ARSI: variants seen among roughly 807,000 people sequenced by gnomAD.
ARSI encodes arylsulfatase I.
ARSI carries 37 observed loss-of-function variants against 42.1 expected under a neutral mutation model. The ratio of observed to expected loss-of-function variants is 0.88; its 90% confidence interval spans 0.68 to 1.16. The LOEUF (loss-of-function observed/expected upper bound fraction) is 1.16. ARSI is among the 50% of genes most tolerant of loss of function. The pLI is 0.00. For missense variants in ARSI, 725 were observed against 790.1 expected (o/e 0.92, Z 0.99); for synonymous variants, 305 against 320.3 (o/e 0.95, Z 0.51).
Position 150,298,013 on chromosome 5 carries a change from G to T in ARSI, c.911C>A (p.Ser304Ter). ...FSSDNGGQTF[S>*]GGSNWPLRGR... ...TCGGAGCGGCCAGTTGCTGCCCCCC[G>T]AGAAAGTCTGGCCACCATTGTCACT... The change falls in exon 2 of 2, where the codon TCG becomes TAG. Residue 304 changes from serine to a stop codon, truncating the protein, a stop_gained. Transcript: ENST00000328668. LOFTEE classifies it high-confidence loss of function. 1.2e-6 allele frequency: 2 copies of T among 1,612,526 alleles called. No homozygotes were observed.
Position 150,302,542 on chromosome 5 carries a change from G to T in ARSI, c.-169C>A. Reference sequence around the variant, plus strand: ...GACTGGCTGCCGGACGGCTGGGCCGGATCTGCTCGGCCGCAGCGGGGCGCT... The same window carrying T: ...GACTGGCTGCCGGACGGCTGGGCCGTATCTGCTCGGCCGCAGCGGGGCGCT... On this transcript the variant is annotated 5_prime_UTR_variant, in exon 1 of 2. Coordinates refer to ENST00000328668, the MANE Select transcript of ARSI (RefSeq NM_001012301.4). This position sits in a 1 kb window ranked among gnomAD's most constrained non-coding sequence, Gnocchi z 6.1. 1 of 485,034 alleles carries T rather than the reference G, an allele frequency of 2.1e-6. No homozygotes were observed. The highest frequency in any genetic ancestry group is 3.3e-6 in the Non-Finnish European group (1 of 302,116). The allele number at this position is 485,034 out of a possible 1,614,324, so 30.0% of individuals were successfully genotyped here. A position where few individuals can be genotyped will look rare whatever the true frequency, so the allele number is the denominator to read the frequency against.
Position 150,297,060 on chromosome 5 carries a change from C to G in ARSI, c.*154G>C. 1.3e-6 allele frequency: 1 copy of G among 768,616 alleles called. No individual in the cohort carries two copies. The allele number at this position is 768,616 out of a possible 1,614,324, so 47.6% of individuals were successfully genotyped here. On this transcript the variant is annotated 3_prime_UTR_variant, in exon 2 of 2. Coordinates refer to ENST00000328668, the MANE Select transcript of ARSI (RefSeq NM_001012301.4). This position sits in a 1 kb window ranked among gnomAD's most constrained non-coding sequence, Gnocchi z 7.0. ...TCCCAGTCTGGTTTATTCCCACCCA[C>G]TCCTATCCAGGCTCCCTACCCTGTT... is the stretch of plus-strand genomic sequence containing the variant.
At chr5:150,301,352 T>C (rs1294588795) in intron 1 of ARSI, among the ~76,000 whole-genome samples, 2 of 152,202 alleles carry the variant, frequency 1.3e-5, no homozygotes, top group African/African-American at 4.8e-5. Flanking sequence ...AATCCTGTAA[T>C]CCTGCTGCCT....
rs1050927481 is a variant in ARSI at position 150,302,194 on chromosome 5, G to T, written c.180C>A (p.His60Gln). ...IFILTDDQGY[H>Q]DVGYHGSDIE... ...TATCTGAACCATGGTAGCCCACGTC[G>T]TGGTAGCCTTGGTCGTCCGTGAGGA... is the stretch of plus-strand genomic sequence containing the variant. The change falls in exon 1 of 2, where the codon CAC (histidine) becomes CAA (glutamine). Residue 60 changes from histidine to glutamine, a missense_variant. Transcript: ENST00000328668. This position sits in a 1 kb window ranked among gnomAD's most constrained non-coding sequence, Gnocchi z 6.1. 3 of 1,614,006 alleles carry T rather than the reference G, an allele frequency of 1.9e-6. No individual in the cohort carries two copies. The highest frequency in any genetic ancestry group is 2.5e-6 in the Non-Finnish European group (3 of 1,180,006).
chr5:150,298,020 T>C lies in ARSI; in HGVS notation c.904A>G (p.Thr302Ala). 6.2e-7 allele frequency: 1 copy of C among 1,611,372 alleles called. No individual in the cohort carries two copies. The highest frequency in any genetic ancestry group is 8.5e-7 in the Non-Finnish European group (1 of 1,179,694). ...GGCCAGTTGCTGCCCCCCGAGAAAG[T>C]CTGGCCACCATTGTCACTGGAGAAG... ...IIFSSDNGGQ[T>A]FSGGSNWPLR... The change falls in exon 2 of 2, where the codon ACT becomes GCT. Residue 302 changes from threonine (T) to alanine (A), a missense_variant. Thr to Ala is a moderately conservative substitution (Grantham distance 58). Transcript: ENST00000328668.
rs1350293240 is a variant in ARSI, at chr5:150,296,412, A to AT, written c.*801dup. ...ACCTTGGCCAGTCTTCCAGAGCCTC[A>AT]TGAAGGAGGCAGAGCCAGGGCTGGC... is the stretch of plus-strand genomic sequence containing the variant. On this transcript the variant is annotated 3_prime_UTR_variant, in exon 2 of 2. Transcript: ENST00000328668. 2.6e-5 allele frequency: 4 copies of AT among 152,324 alleles called. No individual in the cohort carries two copies. The highest frequency in any genetic ancestry group is 2.9e-5 in the Non-Finnish European group (2 of 68,080). The allele number at this position is 152,324 out of a possible 1,614,324, so 9.4% of individuals were successfully genotyped here. A position where few individuals can be genotyped will look rare whatever the true frequency, so the allele number is the denominator to read the frequency against.
rs777738360 is a variant in ARSI at position 150,302,420 on chromosome 5, C to G, written c.-47G>C. The G allele has an allele frequency of 2.4e-5, 33 of 1,357,792 alleles. No individual in the cohort carries two copies. The South Asian group carries it at 5.6e-4, about 23-fold the overall frequency. 84.1% of individuals were successfully genotyped at this position (1,357,792 alleles called of 1,614,324 possible). Reference sequence around the variant, plus strand: ...CCGGCGCGCCGGGCTCCTGGGGCCTCACCACCTCGCGCGCCCAGGGCGCAC... The same window carrying G: ...CCGGCGCGCCGGGCTCCTGGGGCCTGACCACCTCGCGCGCCCAGGGCGCAC... On this transcript the variant is annotated 5_prime_UTR_variant, in exon 1 of 2. Transcript: ENST00000328668. The surrounding 1 kb of genome is among the most constrained non-coding windows in gnomAD (Gnocchi z 6.1).
rs1757941679 is a variant in ARSI at position 150,302,578 on chromosome 5, C to G, written c.-205G>C. On this transcript the variant is annotated 5_prime_UTR_variant, in exon 1 of 2. Transcript: ENST00000328668. This position sits in a 1 kb window ranked among gnomAD's most constrained non-coding sequence, Gnocchi z 6.1. ...CCGCAGCGGGGCGCTCTGGGGAGGTCAGGCCCGCGCCGAGCTGCCTCCCGC... is the reference window on the plus strand; with the variant it reads ...CCGCAGCGGGGCGCTCTGGGGAGGTGAGGCCCGCGCCGAGCTGCCTCCCGC... 1 of 400,526 alleles carries G rather than the reference C, an allele frequency of 2.5e-6. No individual in the cohort carries two copies. Among genetic ancestry groups the G allele is most frequent in the East Asian group, 3.9e-5 (1 of 25,870 alleles). 24.8% of individuals were successfully genotyped at this position (400,526 alleles called of 1,614,324 possible).
chr5:150,302,407 G>A lies in ARSI; in HGVS notation c.-34C>T, dbSNP rs1159511749. On this transcript the variant is annotated 5_prime_UTR_variant, in exon 1 of 2. Coordinates refer to ENST00000328668, the MANE Select transcript of ARSI (RefSeq NM_001012301.4). The surrounding 1 kb of genome is among the most constrained non-coding windows in gnomAD (Gnocchi z 6.1). ...CGGCCCGCGCGTCCCGGCGCGCCGG[G>A]CTCCTGGGGCCTCACCACCTCGCGC... The A allele has an allele frequency of 7.1e-7, 1 of 1,407,408 alleles. No individual in the cohort carries two copies. The highest frequency in any genetic ancestry group is 9.2e-7 in the Non-Finnish European group (1 of 1,082,540). 87.2% of individuals were successfully genotyped at this position (1,407,408 alleles called of 1,614,324 possible).
rs1409765136 is a variant in ARSI, at chr5:150,297,891, T to C, written c.1033A>G (p.Met345Val). 1.2e-6 allele frequency: 2 copies of C among 1,612,352 alleles called. No individual in the cohort carries two copies. Among genetic ancestry groups the C allele is most frequent in the South Asian group, 2.2e-5 (2 of 90,952 alleles). Residue 345 changes from methionine (M) to valine (V), a missense_variant, in exon 2 of 2, where the codon ATG (methionine) becomes GTG (valine). Physicochemically the swap from Met to Val is conservative, Grantham distance 21. Coordinates refer to ENST00000328668, the MANE Select transcript of ARSI (RefSeq NM_001012301.4). The surrounding 1 kb of genome is among the most constrained non-coding windows in gnomAD (Gnocchi z 7.0). ...KRKQRTSRAL[M>V]HITDWYPTLV... Reference sequence around the variant, plus strand: ...GTCGGGTACCAGTCAGTGATGTGCATCAGTGCCCGGCTTGTCCGTTGCTTT... The same window carrying C: ...GTCGGGTACCAGTCAGTGATGTGCACCAGTGCCCGGCTTGTCCGTTGCTTT...
In ARSI at chr5:150,302,259, G is replaced by T. The variant is rs767259088; in HGVS notation, c.115C>A (p.Pro39Thr). The T allele has an allele frequency of 3.1e-6, 5 of 1,609,560 alleles. No homozygotes were observed. The East Asian group carries it at 8.9e-5, about 29-fold the overall frequency. ...GGAGGCTGGGGCGGAGCGGCCGAGG[G>T]CTGCTCGCCAGCCTCCCCGGGCCCG... Reference protein sequence around the residue: ...ADGPGEAGEQPSAAPPQPPHI... With the variant: ...ADGPGEAGEQTSAAPPQPPHI... The change falls in exon 1 of 2, where the codon CCC (proline) becomes ACC (threonine). Residue 39 changes from proline (P) to threonine (T), a missense_variant. Physicochemically the swap from Pro to Thr is conservative, Grantham distance 38 (BLOSUM62 -1). Coordinates refer to ENST00000328668, the MANE Select transcript of ARSI (RefSeq NM_001012301.4). This position sits in a 1 kb window ranked among gnomAD's most constrained non-coding sequence, Gnocchi z 6.1.
Position 150,297,488 on chromosome 5 carries a change from C to T in ARSI, c.1436G>A (p.Gly479Asp). ...GGTGCGGACCACATCAGGCCGCTGGCCAGCCAGGTCCTCCCGTTCATAAGG... is the reference window on the plus strand; with the variant it reads ...GGTGCGGACCACATCAGGCCGCTGGTCAGCCAGGTCCTCCCGTTCATAAGG... ...ADPYEREDLA[G>D]QRPDVVRTLL... The change falls in exon 2 of 2, where the codon GGC (glycine) becomes GAC (aspartate). Residue 479 changes from glycine to aspartate, a missense_variant. Gly to Asp is a moderately conservative substitution (Grantham distance 94, BLOSUM62 -1). Coordinates refer to ENST00000328668, the MANE Select transcript of ARSI (RefSeq NM_001012301.4). This position sits in a 1 kb window ranked among gnomAD's most constrained non-coding sequence, Gnocchi z 7.0. 6.2e-7 allele frequency: 1 copy of T among 1,613,738 alleles called. No homozygotes were observed.
At chr5:150,298,963 C>T (rs1283627040) in intron 1 of ARSI, among the ~76,000 whole-genome samples, 1 of 152,218 alleles carries the variant, frequency 6.6e-6, no homozygotes, top group Non-Finnish European at 1.5e-5. Context: ...CGAGCACTCA[C>T]TGTGAGCTTG....
Position 150,298,264 on chromosome 5 carries a change from C to G in ARSI, c.660G>C (p.Leu220=), listed in dbSNP as rs1282539439. The G allele has an allele frequency of 6.2e-7, 1 of 1,613,746 alleles. No homozygotes were observed. Among genetic ancestry groups the G allele is most frequent in the African/African-American group, 1.3e-5 (1 of 74,906 alleles). Residue 220 remains leucine, a synonymous_variant, in exon 2 of 2, where the codon CTG becomes CTC. Coordinates refer to ENST00000328668, the MANE Select transcript of ARSI (RefSeq NM_001012301.4). ...MLYAQRASHI[L]ASHSPQRPLF... ...GGGGACGCTGAGGGCTGTGGCTGGC[C>G]AGGATATGGCTGGCGCGCTGGGCAT...
chr5:150,301,234 C>T (rs1462431892), intron 1 of ARSI, among the ~76,000 whole-genome samples: 1 of 152,178 alleles, frequency 6.6e-6, no homozygotes, highest in African/African-American at 2.4e-5. Context: ...AGAAAGCATG[C>T]CTTGGACCCC....
chr5:150,298,954 G>A (rs1377310264), intron 1 of ARSI, among the ~76,000 whole-genome samples: 5 of 152,102 alleles, frequency 3.3e-5, no homozygotes, highest in East Asian at 1.9e-4. Context: ...AGCTAATACC[G>A]AGCACTCACT....
Position 150,302,346 on chromosome 5 carries a change from C to G in ARSI, c.28G>C (p.Val10Leu). The stretch of plus-strand genomic sequence containing the variant: ...AGGTAGCCGAAGCTGAGCAGGCTGA[C>G]CAGGGAGAAGCCAGTGAGGGTGTGC... MHTLTGFSL[V>L]SLLSFGYLSW... The change falls in exon 1 of 2, where the codon GTC becomes CTC. Residue 10 changes from valine (V) to leucine (L), a missense_variant. Coordinates refer to ENST00000328668, the MANE Select transcript of ARSI (RefSeq NM_001012301.4). This position sits in a 1 kb window ranked among gnomAD's most constrained non-coding sequence, Gnocchi z 6.1. 2.6e-6 allele frequency: 4 copies of G among 1,547,252 alleles called. No homozygotes were observed. Among genetic ancestry groups the G allele is most frequent in the Non-Finnish European group, 3.5e-6 (4 of 1,149,210 alleles).
Position 150,302,477 on chromosome 5 carries a change from A to C in ARSI, c.-104T>G. The C allele has an allele frequency of 3.6e-6, 3 of 843,794 alleles. No individual in the cohort carries two copies. Among genetic ancestry groups the C allele is most frequent in the Non-Finnish European group, 4.9e-6 (3 of 607,824 alleles). 52.3% of individuals were successfully genotyped at this position (843,794 alleles called of 1,614,324 possible). ...CCCGCCGGCTCGGATGCTGCGAGGGAGTTCAGCGCCCCCCGGGGACGGTCC... is the reference window on the plus strand; with the variant it reads ...CCCGCCGGCTCGGATGCTGCGAGGGCGTTCAGCGCCCCCCGGGGACGGTCC... On this transcript the variant is annotated 5_prime_UTR_variant, in exon 1 of 2. Transcript: ENST00000328668. The surrounding 1 kb of genome is among the most constrained non-coding windows in gnomAD (Gnocchi z 6.1).
chr5:150,302,416 G>C lies in ARSI; in HGVS notation c.-43C>G. 2.2e-6 allele frequency: 3 copies of C among 1,370,250 alleles called. No individual in the cohort carries two copies. The highest frequency in any genetic ancestry group is 2.8e-6 in the Non-Finnish European group (3 of 1,060,794). 84.9% of individuals were successfully genotyped at this position (1,370,250 alleles called of 1,614,324 possible). A position where few individuals can be genotyped will look rare whatever the true frequency, so the allele number is the denominator to read the frequency against. On this transcript the variant is annotated 5_prime_UTR_variant, in exon 1 of 2. Transcript: ENST00000328668. This position sits in a 1 kb window ranked among gnomAD's most constrained non-coding sequence, Gnocchi z 6.1. ...CGTCCCGGCGCGCCGGGCTCCTGGG[G>C]CCTCACCACCTCGCGCGCCCAGGGC...
Sources: gnomAD v4.1 joint callset for allele counts (sites outside exome capture counted in the v4.1 genomes callset) on GRCh38, gnomAD v4.1.1 for gene constraint, Gnocchi (gnomAD v3.1) non-coding constraint, MANE v1.5 for transcripts, NCBI Gene and HGNC (gene_info 2026-07-23, HGNC 2026-07-21) for gene names.